Variants in STOX2 observed in about 807,000 individuals in gnomAD.
STOX2 encodes storkhead-box protein 2.
A neutral mutation model predicts 60.9 loss-of-function variants in STOX2; 28 were observed. The ratio of observed to expected loss-of-function variants is 0.46; its 90% CI spans 0.34 to 0.63. STOX2 has a LOEUF of 0.63. STOX2 is among the 30% of genes least tolerant of loss of function. STOX2 has a pLI of 0.01. For missense variants in STOX2, 1,024 were observed against 1,187.7 expected, an observed-to-expected ratio of 0.86 and a Z score of 2.03; for synonymous variants, 472 against 463.9, an observed-to-expected ratio of 1.02 and a Z score of -0.22.
At chr4:183,919,258 T>C (rs1166958349) in intron 1 of STOX2, among the ~76,000 whole-genome samples, 1 of 152,132 alleles carries the variant, frequency 6.6e-6, no homozygotes, top group African/African-American at 2.4e-5. Context: ...GCGTAGTGAA[T>C]AGTAGTGTAC....
At position 183,906,776 on chromosome 4, in the gene STOX2, G is replaced by T; in HGVS notation, c.-15G>T. The T allele has an allele frequency of 1.3e-6, 2 of 1,510,944 alleles. No homozygotes were observed. Among genetic ancestry groups the T allele is most frequent in the African/African-American group, 1.4e-5 (1 of 71,234 alleles). 93.6% of individuals were successfully genotyped at this position (1,510,944 alleles called of 1,614,324 possible). On this transcript the variant is annotated 5_prime_UTR_variant, in exon 1 of 4. Transcript: ENST00000308497. ...GAGGCCCCGAGGATCGGGGCGGCAG[G>T]TCGCCCTCCCCACCATGAAGAAGAC...
chr4:183,828,599 A>G (rs1213458966), intron 1 of STOX2, among the ~76,000 whole-genome samples: 2 of 152,180 alleles, frequency 1.3e-5, no homozygotes, highest in Non-Finnish European at 2.9e-5. Context: ...GGGTAAATCC[A>G]TGCTTTTAGG....
At chr4:183,951,114 G>T (rs556762024) in intron 1 of STOX2, among the ~76,000 whole-genome samples, 1 of 151,084 alleles carries the variant, frequency 6.6e-6, no homozygotes, top group African/African-American at 2.4e-5. Flanking sequence ...TACTCGGGAG[G>T]CTGAGGCAGG....
intron 1 of STOX2, among the ~76,000 whole-genome samples, chr4:183,805,424 T>A (rs1738867191): frequency 1.3e-5 from 2 of 152,252 alleles, no homozygotes; most frequent in African/African-American, 2.4e-5. Context: ...GTACAAGCTT[T>A]GGATCTAATT....
At chr4:183,883,479 C>T (rs1435548897) in intron 1 of STOX2, among the ~76,000 whole-genome samples, 1 of 152,034 alleles carries the variant, frequency 6.6e-6, no homozygotes, top group Non-Finnish European at 1.5e-5. Context: ...GCCACCACGC[C>T]CAGCTAATTT....
intron 3 of STOX2, among the ~76,000 whole-genome samples, chr4:184,012,320 C>T (rs756366465): frequency 1.3e-5 from 2 of 152,206 alleles, no homozygotes; most frequent in African/African-American, 2.4e-5. Flanking sequence ...AGATTGGTGA[C>T]TCTGAGATGC....
chr4:183,839,018 C>G (rs535354205), intron 1 of STOX2, among the ~76,000 whole-genome samples: 6 of 150,824 alleles, frequency 4.0e-5, no homozygotes, highest in Admixed American at 3.9e-4. Flanking sequence ...CGTGCACGCG[C>G]GCGCGCACAC....
At chr4:183,804,371 A>G (rs1738836537) in intron 1 of STOX2, among the ~76,000 whole-genome samples, 1 of 152,222 alleles carries the variant, frequency 6.6e-6, no homozygotes, top group Non-Finnish European at 1.5e-5. Flanking sequence ...CCAACCAGCA[A>G]TGACAGAGGA....
intron 1 of STOX2, among the ~76,000 whole-genome samples, chr4:183,857,260 T>C (rs1169765456): frequency 7.8e-6 from 1 of 127,474 alleles, no homozygotes; most frequent in South Asian, 2.5e-4. Context: ...CAGGACTGGT[T>C]ATCCTGCAGG....
intron 1 of STOX2, among the ~76,000 whole-genome samples, chr4:183,851,304 G>A (rs200299534): frequency 6.4e-4 from 38 of 59,088 alleles, no homozygotes; most frequent in Middle Eastern, 0.011. Context: ...AAAGGATGAG[G>A]GAAAGGATGA....
intron 1 of STOX2, among the ~76,000 whole-genome samples, chr4:183,804,130 GATCTA>G (rs1738830510): frequency 6.6e-6 from 1 of 152,158 alleles, no homozygotes; most frequent in Admixed American, 6.5e-5. Flanking sequence ...TTATTTTTAT[GATCTA>G]ATCTAATCTT....
In STOX2 at chr4:183,963,988, G is replaced by A. The variant is rs532539606; in HGVS notation, c.167-37337G>A. On this transcript the variant is annotated intron_variant, in intron 1 of 3. Transcript: ENST00000308497. ...GACGGGGTTTCACTGTGTTAGCCAGGATGGTCTCGATCTCCTGACCTCGTC... is the reference window on the plus strand; with the variant it reads ...GACGGGGTTTCACTGTGTTAGCCAGAATGGTCTCGATCTCCTGACCTCGTC... 2.9e-4 allele frequency among the ~76,000 whole-genome samples: 44 copies of A among 151,240 alleles called. 1 individual carries two copies. The highest frequency in any genetic ancestry group is 1.1e-3 in the African/African-American group (44 of 41,186).
At chr4:183,973,933 G>T (rs1215464379) in intron 1 of STOX2, among the ~76,000 whole-genome samples, 1 of 152,224 alleles carries the variant, frequency 6.6e-6, no homozygotes, top group Non-Finnish European at 1.5e-5. Context: ...GGCAGAGGTT[G>T]CAGTGAGCAG....
intron 1 of STOX2, among the ~76,000 whole-genome samples, chr4:183,808,087 GT>G (rs1326673968): frequency 6.6e-6 from 1 of 152,176 alleles, no homozygotes; most frequent in Non-Finnish European, 1.5e-5. Context: ...AATCACTTTG[GT>G]TTTTCCTTTT....
intron 1 of STOX2, among the ~76,000 whole-genome samples, chr4:183,962,411 CATT>C (rs1394718697): frequency 6.6e-6 from 1 of 151,734 alleles, no homozygotes; most frequent in African/African-American, 2.4e-5. Flanking sequence ...GCAAAATCTT[CATT>C]ATTAAGTCAT....
In STOX2 at chr4:184,004,919, A is replaced by G. The variant is rs376147776; in HGVS notation, c.319+3442A>G. ...CTTCAGGGACATAGAGCTAGACCCTATAAGTCCAGGTATGGAGCTGAACTT... is the reference window on the plus strand; with the variant it reads ...CTTCAGGGACATAGAGCTAGACCCTGTAAGTCCAGGTATGGAGCTGAACTT... On this transcript the variant is annotated intron_variant, in intron 2 of 3. Transcript: ENST00000308497. 1.2e-3 allele frequency among the ~76,000 whole-genome samples: 178 copies of G among 152,352 alleles called. 1 individual carries two copies. Among genetic ancestry groups the G allele is most frequent in the East Asian group, 4.4e-3 (23 of 5,188 alleles).
intron 1 of STOX2, among the ~76,000 whole-genome samples, chr4:183,868,812 C>CT (rs1740629254): frequency 1.3e-5 from 2 of 152,160 alleles, no homozygotes; most frequent in Non-Finnish European, 2.9e-5. Context: ...ACTGAATGTT[C>CT]TAGTTTATTA....
At chr4:183,963,933 G>A (rs911220174) in intron 1 of STOX2, among the ~76,000 whole-genome samples, 7 of 151,016 alleles carry the variant, frequency 4.6e-5, no homozygotes, top group Non-Finnish European at 4.4e-5. Context: ...CCACCACCAC[G>A]CCCGGCTTAT....
At chr4:183,914,454 A>G (rs1401505661) in intron 1 of STOX2, among the ~76,000 whole-genome samples, 1 of 152,194 alleles carries the variant, frequency 6.6e-6, no homozygotes, top group African/African-American at 2.4e-5. Flanking sequence ...AAAAATAAAA[A>G]TAAAAATTAA....
Sources: gnomAD v4.1 joint callset for allele counts (sites outside exome capture counted in the v4.1 genomes callset) on GRCh38, gnomAD v4.1.1 for gene constraint, MANE v1.5 for transcripts, NCBI Gene and HGNC (gene_info 2026-07-23, HGNC 2026-07-21) for gene names.